ITPRID1: variants seen among roughly 807,000 people sequenced by gnomAD.
ITPRID1 encodes protein ITPRID1.
In ITPRID1, 96 loss-of-function variants were observed where a neutral mutation model predicts 95.4. The observed-to-expected ratio is 1.01, with a 90% confidence interval of 0.85 to 1.19. ITPRID1 has a LOEUF of 1.19. ITPRID1 is among the 50% of genes most tolerant of loss of function. The pLI, the probability that ITPRID1 is intolerant of heterozygous loss-of-function variation, is 0.00. For missense variants in ITPRID1, 1,339 were observed against 1,252.9 expected (o/e 1.07, Z -1.04); for synonymous variants, 510 against 453.6 (o/e 1.12, Z -1.58).
chr7:31,620,136 C>T (rs1288975146), intron 10 of ITPRID1, among the ~76,000 whole-genome samples: 4 of 152,168 alleles, frequency 2.6e-5, no homozygotes, highest in African/African-American at 4.8e-5. Context: ...CACCACAGCT[C>T]AAGGAGGCCT....
At chr7:31,622,017 C>G (rs986368776) in intron 10 of ITPRID1, among the ~76,000 whole-genome samples, 2 of 141,812 alleles carry the variant, frequency 1.4e-5, no homozygotes, top group Non-Finnish European at 3.1e-5. Context: ...AAGGCCATTA[C>G]ATAATGGTAA....
chr7:31,565,728 A>T (rs1329792945), intron 5 of ITPRID1, among the ~76,000 whole-genome samples: 1 of 152,080 alleles, frequency 6.6e-6, no homozygotes, highest in Non-Finnish European at 1.5e-5. Context: ...ACAGAGCAAG[A>T]CTCCATCTCA....
At position 31,654,733 on chromosome 7, in the gene ITPRID1, A is replaced by C. The variant is rs1055486191; in HGVS notation, c.*1904A>C. Among the ~76,000 whole-genome samples, 1 of 152,174 alleles carries C rather than the reference A, an allele frequency of 6.6e-6. No homozygotes were observed. The highest frequency in any genetic ancestry group is 1.5e-5 in the Non-Finnish European group (1 of 68,036). ...ATAGATGCAGAATGGAATAGGAAAA[A>C]CTGCTTGGAAAAGTAATGCCATGAG... On this transcript the variant is annotated 3_prime_UTR_variant, in exon 15 of 15. Coordinates refer to ENST00000615280, the MANE Select transcript of ITPRID1 (RefSeq NM_001257967.3).
At chr7:31,583,079 A>C (rs1785463661) in intron 9 of ITPRID1, 55 bp from the exon 10 acceptor site, 2 of 1,269,518 alleles carry the variant, frequency 1.6e-6, no homozygotes, top group East Asian at 4.6e-5. Flanking sequence ...TGATTAAAAT[A>C]AGTGAATTTA....
intron 1 of ITPRID1, among the ~76,000 whole-genome samples, chr7:31,528,741 C>T (rs964377519): frequency 6.6e-6 from 1 of 152,038 alleles, no homozygotes; most frequent in Non-Finnish European, 1.5e-5. Flanking sequence ...TTGATGAGGC[C>T]TCCTCCCCTC....
intron 10 of ITPRID1, among the ~76,000 whole-genome samples, chr7:31,616,150 T>C (rs1024715369): frequency 6.6e-6 from 1 of 152,100 alleles, no homozygotes. Context: ...ATATAAATTA[T>C]TGGAATTCTT....
intron 10 of ITPRID1, among the ~76,000 whole-genome samples, chr7:31,639,538 GTTT>G (rs796733772): frequency 7.0e-6 from 1 of 142,514 alleles, no homozygotes. Flanking sequence ...GTTTGTTTTT[GTTT>G]TTTTTTTTTT....
chr7:31,586,457 C>T (rs1583535491), intron 10 of ITPRID1, among the ~76,000 whole-genome samples: 1 of 151,852 alleles, frequency 6.6e-6, no homozygotes, highest in East Asian at 1.9e-4. Context: ...GTCCCACCAA[C>T]AGTGTAAAAG....
rs1451987327 is a variant in ITPRID1 at position 31,572,195 on chromosome 7, A to G, written c.395+7A>G. On this transcript the variant is annotated splice_region_variant and intron_variant, in intron 7 of 14. Coordinates refer to ENST00000615280, the MANE Select transcript of ITPRID1 (RefSeq NM_001257967.3). ...CTGCAAGTGTACCACAAAGGTATGT[A>G]ATTTCCAGGTGCTTTTCATCCTGAG... is the stretch of plus-strand genomic sequence containing the variant. The G allele has an allele frequency of 6.4e-7, 1 of 1,572,878 alleles. No individual in the cohort carries two copies.
intron 10 of ITPRID1, among the ~76,000 whole-genome samples, chr7:31,631,179 G>C (rs1788957168): frequency 6.6e-6 from 1 of 152,028 alleles, no homozygotes; most frequent in Non-Finnish European, 1.5e-5. Context: ...AACTGCGGAA[G>C]AGCAGATAAA....
At chr7:31,651,327 A>T in intron 13 of ITPRID1, 58 bp downstream of exon 13, 4 of 1,585,094 alleles carry the variant, frequency 2.5e-6, no homozygotes, top group Non-Finnish European at 3.4e-6. Flanking sequence ...GGAGCAAGGA[A>T]GATAATCAGG....
intron 10 of ITPRID1, among the ~76,000 whole-genome samples, chr7:31,606,520 A>G (rs1786633333): frequency 6.6e-6 from 1 of 152,254 alleles, no homozygotes; most frequent in South Asian, 2.1e-4. Context: ...CTAGATGTTT[A>G]AATAAAACAA....
chr7:31,636,252 T>C (rs1330603898), intron 10 of ITPRID1, among the ~76,000 whole-genome samples: 3 of 152,142 alleles, frequency 2.0e-5, no homozygotes, highest in Non-Finnish European at 4.4e-5. Flanking sequence ...GACACAGCTA[T>C]GCCATATCAA....
chr7:31,584,829 A>G (rs1785529933), intron 10 of ITPRID1, among the ~76,000 whole-genome samples: 1 of 152,246 alleles, frequency 6.6e-6, no homozygotes, highest in African/African-American at 2.4e-5. Flanking sequence ...TTCTCAAAGT[A>G]CAAAACAATT....
chr7:31,585,086 T>C (rs901038040), intron 10 of ITPRID1, among the ~76,000 whole-genome samples: 7 of 152,222 alleles, frequency 4.6e-5, no homozygotes, highest in Non-Finnish European at 1.0e-4. Context: ...CCATCTTTGA[T>C]GTCTGGCCCA....
At chr7:31,649,143 G>A (rs930476266) in intron 12 of ITPRID1, among the ~76,000 whole-genome samples, 6 of 152,354 alleles carry the variant, frequency 3.9e-5, no homozygotes, top group Admixed American at 2.0e-4. Flanking sequence ...GTATAAAAGC[G>A]AGAGGATAGA....
intron 1 of ITPRID1, among the ~76,000 whole-genome samples, chr7:31,525,932 T>C (rs1783408810): frequency 6.6e-6 from 1 of 152,124 alleles, no homozygotes; most frequent in African/African-American, 2.4e-5. Flanking sequence ...AGATTGTGTT[T>C]TCTGGTAACT....
chr7:31,620,023 A>T (rs1210247497), intron 10 of ITPRID1, among the ~76,000 whole-genome samples: 1 of 152,190 alleles, frequency 6.6e-6, no homozygotes, highest in Non-Finnish European at 1.5e-5. Flanking sequence ...GCAGTCTGAG[A>T]TCAAACTGCA....
chr7:31,545,097 T>C (rs1268680858), intron 1 of ITPRID1, among the ~76,000 whole-genome samples: 2 of 152,116 alleles, frequency 1.3e-5, no homozygotes, highest in South Asian at 4.1e-4. Context: ...CACAGGTTGC[T>C]GTGAGTGTCA....
Sources: allele counts gnomAD v4.1 joint callset (sites outside exome capture counted in the v4.1 genomes callset), GRCh38; gene constraint gnomAD v4.1.1; transcripts MANE v1.5; gene names NCBI Gene and HGNC (gene_info 2026-07-23, HGNC 2026-07-21).